Variants in CADM1 observed in about 807,000 individuals in gnomAD.
CADM1 encodes the protein TSLC-1.
A neutral mutation model predicts 53.1 loss-of-function variants in CADM1; 15 were observed. The observed-to-expected ratio is 0.28, with a 90% confidence interval of 0.19 to 0.44. The LOEUF (loss-of-function observed/expected upper bound fraction) is 0.44. Ranked by LOEUF, CADM1 falls within the 20% of genes least tolerant of loss-of-function variation. CADM1 has a pLI of 1.00. For missense variants in CADM1, 434 were observed against 611.3 expected, an observed-to-expected ratio of 0.71 and a Z score of 3.06; for synonymous variants, 281 against 243.0, an observed-to-expected ratio of 1.16 and a Z score of -1.45.
chr11:115,213,953 A>G (rs1941069807), intron 7 of CADM1, among the ~76,000 whole-genome samples: 1 of 152,214 alleles, frequency 6.6e-6, no homozygotes, highest in African/African-American at 2.4e-5. Context: ...TATAAACAGG[A>G]AGTAAGTTTA....
At chr11:115,367,769 G>GAA (rs577233146) in intron 1 of CADM1, among the ~76,000 whole-genome samples, 242 of 148,166 alleles carry the variant, frequency 1.6e-3, no homozygotes, top group African/African-American at 5.5e-3. Context: ...GAATTTCTTA[G>GAA]AAAAAAAAAC....
At chr11:115,479,594 A>G (rs1949214231) in intron 1 of CADM1, among the ~76,000 whole-genome samples, 1 of 152,186 alleles carries the variant, frequency 6.6e-6, no homozygotes, top group African/African-American at 2.4e-5. Context: ...ATGGCAAACA[A>G]AATACTTGCT....
intron 1 of CADM1, among the ~76,000 whole-genome samples, chr11:115,310,236 C>T (rs1944495916): frequency 1.3e-5 from 2 of 151,972 alleles, no homozygotes; most frequent in African/African-American, 4.8e-5. Context: ...ATGGAAATGT[C>T]CAATTTATCT....
At chr11:115,317,983 TACACACACACACACACACACACAC>T in intron 1 of CADM1, among the ~76,000 whole-genome samples, 1 of 149,194 alleles carries the variant, frequency 6.7e-6, no homozygotes, top group East Asian at 2.0e-4. Context: ...TATTACACAC[TACACACACACACACACACACACAC>T]ACACACACAA....
intron 1 of CADM1, among the ~76,000 whole-genome samples, chr11:115,356,447 T>G (rs894808566): frequency 2.0e-5 from 3 of 152,042 alleles, no homozygotes; most frequent in South Asian, 2.1e-4. Flanking sequence ...TACGAACATT[T>G]TTCACTGGCC....
chr11:115,269,341 C>T (rs191270978), intron 1 of CADM1, among the ~76,000 whole-genome samples: 18 of 152,120 alleles, frequency 1.2e-4, no homozygotes, highest in Non-Finnish European at 2.6e-4. Flanking sequence ...AGAGCAATTC[C>T]ACACCAGCAG....
intron 1 of CADM1, among the ~76,000 whole-genome samples, chr11:115,254,326 C>T (rs1046572348): frequency 6.6e-6 from 1 of 152,142 alleles, no homozygotes; most frequent in East Asian, 1.9e-4. Context: ...TATTAAGTAT[C>T]ATCCATATCT....
intron 1 of CADM1, among the ~76,000 whole-genome samples, chr11:115,309,969 T>G (rs1158144936): frequency 6.6e-6 from 1 of 152,156 alleles, no homozygotes; most frequent in African/African-American, 2.4e-5. Flanking sequence ...TTCTTTAGTA[T>G]TTGAGATGGG....
chr11:115,207,218 C>T (rs1940740812), intron 8 of CADM1: 1 of 152,062 alleles, frequency 6.6e-6, no homozygotes, highest in Non-Finnish European at 1.5e-5. Context: ...GCATTCATTA[C>T]CACAAATGTA....
intron 5 of CADM1, among the ~76,000 whole-genome samples, chr11:115,228,787 A>C (rs1941708533): frequency 6.6e-6 from 1 of 152,166 alleles, no homozygotes; most frequent in African/African-American, 2.4e-5. Context: ...TGATGGGATA[A>C]AAAAAGGGGG....
At chr11:115,355,147 T>G (rs1260904064) in intron 1 of CADM1, among the ~76,000 whole-genome samples, 1 of 152,176 alleles carries the variant, frequency 6.6e-6, no homozygotes, top group South Asian at 2.1e-4. Context: ...AATCAAGTTC[T>G]CATGCACGCA....
At chr11:115,394,731 T>C (rs1272440547) in intron 1 of CADM1, among the ~76,000 whole-genome samples, 6 of 152,178 alleles carry the variant, frequency 3.9e-5, no homozygotes, top group Non-Finnish European at 8.8e-5. Flanking sequence ...CAATTTCCAG[T>C]GCTAATCAAG....
At chr11:115,238,409 CAGG>C (rs1942086717) in intron 3 of CADM1, 88 bp downstream of exon 3, 2 of 1,357,120 alleles carry the variant, frequency 1.5e-6, no homozygotes, top group Non-Finnish European at 2.1e-6. Context: ...CAAGTTTGAA[CAGG>C]AGAATTCACC....
At chr11:115,471,225 T>G (rs999415322) in intron 1 of CADM1, among the ~76,000 whole-genome samples, 1 of 152,174 alleles carries the variant, frequency 6.6e-6, no homozygotes, top group African/African-American at 2.4e-5. Context: ...CTGTGCCATT[T>G]TGGGGGAACA....
At chr11:115,305,000 A>G (rs780709877) in intron 1 of CADM1, among the ~76,000 whole-genome samples, 19 of 152,124 alleles carry the variant, frequency 1.2e-4, no homozygotes, top group Non-Finnish European at 2.4e-4. Context: ...TCTTAGTCAC[A>G]AGTACAATTC....
At chr11:115,420,151 C>T (rs1244137682) in intron 1 of CADM1, among the ~76,000 whole-genome samples, 1 of 152,174 alleles carries the variant, frequency 6.6e-6, no homozygotes, top group Non-Finnish European at 1.5e-5. Context: ...TCCTTTTCTC[C>T]TTAAGCTCCT....
intron 1 of CADM1, among the ~76,000 whole-genome samples, chr11:115,251,495 G>C (rs752418923): frequency 2.0e-5 from 3 of 151,494 alleles, no homozygotes; most frequent in African/African-American, 7.3e-5. Context: ...ATTCTAGAGT[G>C]TATTCTGTGA....
intron 5 of CADM1, among the ~76,000 whole-genome samples, chr11:115,222,915 G>C (rs1031871205): frequency 7.9e-5 from 12 of 152,090 alleles, no homozygotes; most frequent in Admixed American, 2.6e-4. Context: ...AATCCCTATA[G>C]CAAGATTTTC....
chr11:115,229,302 G>C (rs1333834806), intron 4 of CADM1, 31 bp from the exon 5 acceptor site: 1 of 1,612,014 alleles, frequency 6.2e-7, no homozygotes, highest in South Asian at 1.1e-5. Context: ...CAAGACACCA[G>C]AGTTGGGTGA....
Sources: gnomAD v4.1 joint callset for allele counts (sites outside exome capture counted in the v4.1 genomes callset) on GRCh38, gnomAD v4.1.1 for gene constraint, MANE v1.5 for transcripts, NCBI Gene and HGNC (gene_info 2026-07-23, HGNC 2026-07-21) for gene names.